Variants in TPD52L1 observed in about 807,000 individuals in gnomAD.
TPD52L1 encodes the protein TPD52 like 1, also known as tumor protein D53.
In TPD52L1, 18 loss-of-function variants were observed where a neutral mutation model predicts 28.7. The ratio of observed to expected loss-of-function variants is 0.63; its 90% confidence interval spans 0.43 to 0.93. TPD52L1 has a LOEUF of 0.93. Among genes scored for constraint, TPD52L1 ranks in the 40% least tolerant of loss-of-function variants. TPD52L1 has a pLI of 0.00. For missense variants in TPD52L1, 203 were observed against 254.8 expected (o/e 0.80, Z 1.39); for synonymous variants, 75 against 88.8 (o/e 0.84, Z 0.88).
At chr6:125,211,122 T>C (rs561271630) in intron 1 of TPD52L1, among the ~76,000 whole-genome samples, 2 of 152,282 alleles carry the variant, frequency 1.3e-5, no homozygotes, top group African/African-American at 4.8e-5. Context: ...GGAAACTAGC[T>C]CTAAATAAAT....
chr6:125,172,152 CT>C (rs1417126469), intron 1 of TPD52L1, among the ~76,000 whole-genome samples: 2 of 51,298 alleles, frequency 3.9e-5, no homozygotes, highest in East Asian at 9.8e-4. Flanking sequence ...TTCTTTCTTT[CT>C]TTCTTTTCTT....
chr6:125,214,589 T>A (rs1794734629), intron 1 of TPD52L1: 2 of 235,222 alleles, frequency 8.5e-6, no homozygotes, highest in African/African-American at 4.7e-5. Flanking sequence ...AAAACTTTTT[T>A]CTGCATATCT....
At chr6:125,186,998 GA>G (rs556595150) in intron 1 of TPD52L1, among the ~76,000 whole-genome samples, 1 of 151,970 alleles carries the variant, frequency 6.6e-6, no homozygotes, top group Admixed American at 6.6e-5. Flanking sequence ...ATATTTGCAA[GA>G]AAAAATATAT....
intron 1 of TPD52L1, among the ~76,000 whole-genome samples, chr6:125,175,407 G>T (rs1156262789): frequency 2.0e-5 from 3 of 152,094 alleles, no homozygotes; most frequent in South Asian, 4.2e-4. Context: ...AAATGCTAGG[G>T]TGATAGAATT....
intron 1 of TPD52L1, among the ~76,000 whole-genome samples, chr6:125,200,336 A>G (rs1793725088): frequency 6.6e-6 from 1 of 152,234 alleles, no homozygotes; most frequent in Admixed American, 6.5e-5. Context: ...TTTCTTTGTA[A>G]AGAATCTATT....
intron 1 of TPD52L1, among the ~76,000 whole-genome samples, chr6:125,155,069 C>G (rs181769818): frequency 6.6e-5 from 10 of 152,334 alleles, no homozygotes; most frequent in African/African-American, 2.2e-4. Flanking sequence ...ATTGTCTGAA[C>G]AGCACGAACC....
intron 1 of TPD52L1, among the ~76,000 whole-genome samples, chr6:125,168,272 C>A (rs1477995306): frequency 1.3e-5 from 2 of 152,146 alleles, no homozygotes; most frequent in Non-Finnish European, 2.9e-5. Flanking sequence ...AGAGAAAGAA[C>A]TTGGTGCCAG....
At chr6:125,182,338 T>TA (rs1792254354) in intron 1 of TPD52L1, among the ~76,000 whole-genome samples, 1 of 152,134 alleles carries the variant, frequency 6.6e-6, no homozygotes, top group South Asian at 2.1e-4. Flanking sequence ...TTTCATGATG[T>TA]ATAAGCACAG....
At chr6:125,168,758 C>T (rs542474232) in intron 1 of TPD52L1, among the ~76,000 whole-genome samples, 105 of 152,178 alleles carry the variant, frequency 6.9e-4, no homozygotes, top group African/African-American at 2.4e-3. Context: ...CCTCATGATC[C>T]GCCCACCTCG....
chr6:125,205,076 G>T (rs145963327), intron 1 of TPD52L1, among the ~76,000 whole-genome samples: 1 of 152,172 alleles, frequency 6.6e-6, no homozygotes, highest in African/African-American at 2.4e-5. Context: ...GAAGGAAAGA[G>T]AGCACAGAAT....
intron 2 of TPD52L1, among the ~76,000 whole-genome samples, chr6:125,220,460 C>A (rs945312999): frequency 3.3e-5 from 5 of 152,132 alleles, no homozygotes; most frequent in Non-Finnish European, 7.4e-5. Context: ...ACTTCTTATT[C>A]TTTTTACTGT....
At chr6:125,194,010 A>T (rs1464893224) in intron 1 of TPD52L1, among the ~76,000 whole-genome samples, 2 of 147,828 alleles carry the variant, frequency 1.4e-5, no homozygotes, top group African/African-American at 5.1e-5. Context: ...TTTGTGGAAA[A>T]GTCTTCTGAA....
intron 2 of TPD52L1, among the ~76,000 whole-genome samples, chr6:125,222,491 T>A (rs1022860072): frequency 7.2e-5 from 11 of 152,240 alleles, no homozygotes; most frequent in Admixed American, 6.5e-5. Context: ...TACAAGGACT[T>A]CTGACCCCTG....
At chr6:125,198,119 T>C (rs2114885942) in intron 1 of TPD52L1, among the ~76,000 whole-genome samples, 1 of 152,290 alleles carries the variant, frequency 6.6e-6, no homozygotes, top group Non-Finnish European at 1.5e-5. Context: ...GAACTCTGCT[T>C]TGCCCTCTGA....
intron 2 of TPD52L1, among the ~76,000 whole-genome samples, chr6:125,223,560 T>A (rs1360969521): frequency 6.6e-6 from 1 of 151,782 alleles, no homozygotes; most frequent in Admixed American, 6.6e-5. Flanking sequence ...AATACAAAAA[T>A]TAGTCAGGCA....
intron 3 of TPD52L1, among the ~76,000 whole-genome samples, chr6:125,247,648 T>A (rs545965353): frequency 6.6e-6 from 1 of 152,206 alleles, no homozygotes; most frequent in African/African-American, 2.4e-5. Flanking sequence ...GACACAAAGA[T>A]GAATGGCTTC....
chr6:125,180,657 G>A (rs1466139853), intron 1 of TPD52L1, among the ~76,000 whole-genome samples: 2 of 152,056 alleles, frequency 1.3e-5, no homozygotes, highest in African/African-American at 2.4e-5. Context: ...GTAAAGGAGA[G>A]TGTTAATTAC....
At chr6:125,242,756 G>A (rs1366717915) in intron 3 of TPD52L1, among the ~76,000 whole-genome samples, 7 of 152,008 alleles carry the variant, frequency 4.6e-5, no homozygotes, top group African/African-American at 9.7e-5. Context: ...GCCATCATGC[G>A]TCTTTTAAGT....
At chr6:125,209,941 T>G (rs991054812) in intron 1 of TPD52L1, among the ~76,000 whole-genome samples, 2 of 152,186 alleles carry the variant, frequency 1.3e-5, no homozygotes, top group East Asian at 3.9e-4. Context: ...ATTGAAGACA[T>G]AGAGATGAAA....
Sources: gnomAD v4.1 joint callset for allele counts (sites outside exome capture counted in the v4.1 genomes callset) on GRCh38, gnomAD v4.1.1 for gene constraint, MANE v1.5 for transcripts, NCBI Gene and HGNC (gene_info 2026-07-23, HGNC 2026-07-21) for gene names.